SYNGR1: variants seen among roughly 807,000 people sequenced by gnomAD.
SYNGR1 encodes synaptogyrin-1.
Under a neutral mutation model 26.1 loss-of-function variants are expected in SYNGR1, and 14 were observed. That is an observed-to-expected ratio of 0.54 (90% CI 0.35 to 0.84). SYNGR1 has a LOEUF of 0.84. SYNGR1 is among the 40% of genes least tolerant of loss of function. The pLI, the probability that SYNGR1 is intolerant of heterozygous loss-of-function variation, is 0.01. For synonymous variants in SYNGR1, 141 were observed against 150.1 expected, an observed-to-expected ratio of 0.94 and a Z score of 0.44; for missense variants, 319 against 332.9, an observed-to-expected ratio of 0.96 and a Z score of 0.33.
Position 39,356,919 on chromosome 22 carries a change from T to C in SYNGR1, c.99+6810T>C, listed in dbSNP as rs920536916. The stretch of plus-strand genomic sequence containing the variant: ...CCTTGAAGAACCCCACTCTTGCTCC[T>C]AGTGGACTCCAGGTTGGGAACTTTG... On this transcript the variant is annotated intron_variant, in intron 1 of 3. Transcript: ENST00000328933. Among the ~76,000 whole-genome samples the C allele has an allele frequency of 2.0e-5, 3 of 152,162 alleles. No individual in the cohort carries two copies. The East Asian group carries it at 5.8e-4, about 29-fold the overall frequency.
intron 1 of SYNGR1, among the ~76,000 whole-genome samples, chr22:39,370,406 A>G (rs945766998): frequency 6.6e-6 from 1 of 152,106 alleles, no homozygotes; most frequent in Non-Finnish European, 1.5e-5. Context: ...CTGGGATTAC[A>G]GGTGTGAGCC....
intron 1 of SYNGR1, among the ~76,000 whole-genome samples, chr22:39,354,085 A>C: frequency 6.6e-6 from 1 of 152,036 alleles, no homozygotes; most frequent in East Asian, 1.9e-4. Flanking sequence ...GCTGGTCTCA[A>C]ACTCCTGACC....
chr22:39,382,002 G>A lies in SYNGR1; in HGVS notation c.*88G>A. On this transcript the variant is annotated 3_prime_UTR_variant, in exon 4 of 4. Transcript: ENST00000328933. ...GCTCCTGCCCAGGCTGCCCTGCCCA[G>A]CGCCTCATCAGCCTCTGCCTTGTCC... is the stretch of plus-strand genomic sequence containing the variant. 4 of 1,425,776 alleles carry A rather than the reference G, an allele frequency of 2.8e-6. No homozygotes were observed. The highest frequency in any genetic ancestry group is 3.8e-6 in the Non-Finnish European group (4 of 1,045,690). The allele number at this position is 1,425,776 out of a possible 1,614,324, so 88.3% of individuals were successfully genotyped here.
intron 1 of SYNGR1, among the ~76,000 whole-genome samples, chr22:39,358,894 C>G (rs1924318654): frequency 6.6e-6 from 1 of 152,254 alleles, no homozygotes; most frequent in Non-Finnish European, 1.5e-5. Flanking sequence ...CATCTCCCCG[C>G]TGCTGGTGGA....
intron 3 of SYNGR1, among the ~76,000 whole-genome samples, 183 bp from the exon 4 acceptor site, chr22:39,381,513 G>A (rs1925496829): frequency 6.6e-6 from 1 of 152,134 alleles, no homozygotes; most frequent in Non-Finnish European, 1.5e-5. Flanking sequence ...TCCGGGGGTG[G>A]CTGCGAGAAC....
At chr22:39,363,182 T>G in intron 1 of SYNGR1, among the ~76,000 whole-genome samples, 1 of 146,718 alleles carries the variant, frequency 6.8e-6, no homozygotes, top group Non-Finnish European at 1.5e-5. Context: ...GGGAGGAGAG[T>G]GTTGGGGAGC....
At chr22:39,375,500 T>G (rs1925238107) in intron 2 of SYNGR1, 1 of 208,810 alleles carries the variant, frequency 4.8e-6, no homozygotes, top group African/African-American at 2.3e-5. Flanking sequence ...TCGCTAAACC[T>G]GGGGCTCTGT....
intron 1 of SYNGR1, among the ~76,000 whole-genome samples, chr22:39,353,546 G>C (rs1030950135): frequency 1.1e-4 from 17 of 152,224 alleles, no homozygotes; most frequent in African/African-American, 2.7e-4. Flanking sequence ...TGGCAGATCA[G>C]CTGCCACTCC....
In SYNGR1 at chr22:39,384,615, C is replaced by T. The variant is rs1925600193; in HGVS notation, c.*2701C>T. ...TCCTTCTGTTGGCAGAGGACAGCCCCTGGGGAACCCCAGGCCCAACTCTGT... is the reference window on the plus strand; with the variant it reads ...TCCTTCTGTTGGCAGAGGACAGCCCTTGGGGAACCCCAGGCCCAACTCTGT... On this transcript the variant is annotated 3_prime_UTR_variant, in exon 4 of 4. Coordinates refer to ENST00000328933, the MANE Select transcript of SYNGR1 (RefSeq NM_004711.5). The T allele has an allele frequency of 2.5e-6, 1 of 398,934 alleles. No individual in the cohort carries two copies. The allele number at this position is 398,934 out of a possible 1,614,324, so 24.7% of individuals were successfully genotyped here.
rs374601643 is a variant in SYNGR1 at position 39,353,270 on chromosome 22, C to T, written c.99+3161C>T. Among the ~76,000 whole-genome samples the T allele has an allele frequency of 3.9e-5, 6 of 152,308 alleles. No homozygotes were observed. The East Asian group carries it at 9.6e-4, about 24-fold the overall frequency. Reference sequence around the variant, plus strand: ...AGCTTCAGGGCCTCACCAACCTGGACCCACCCTGGAACCCAAGCCCTCTGA... The same window carrying T: ...AGCTTCAGGGCCTCACCAACCTGGATCCACCCTGGAACCCAAGCCCTCTGA... On this transcript the variant is annotated intron_variant, in intron 1 of 3. Transcript: ENST00000328933.
intron 1 of SYNGR1, among the ~76,000 whole-genome samples, chr22:39,353,298 C>T (rs1924000832): frequency 6.6e-6 from 1 of 152,186 alleles, no homozygotes; most frequent in African/African-American, 2.4e-5. Flanking sequence ...CCCTCTGAGC[C>T]CCTGGGTCAG....
chr22:39,358,419 C>T lies in SYNGR1; in HGVS notation c.99+8310C>T, dbSNP rs111915022. Among the ~76,000 whole-genome samples the T allele has an allele frequency of 2.2e-3, 336 of 152,306 alleles. 2 individuals are homozygous for T. The highest frequency in any genetic ancestry group is 7.8e-3 in the African/African-American group (323 of 41,570). On this transcript the variant is annotated intron_variant, in intron 1 of 3. Coordinates refer to ENST00000328933, the MANE Select transcript of SYNGR1 (RefSeq NM_004711.5). ...ACCTGCTCAGTTCCAAAGCTTTGTT[C>T]GTCTGCTCGTTGCGATAAATTTTGC...
chr22:39,356,219 T>C (rs1014550754), intron 1 of SYNGR1, among the ~76,000 whole-genome samples: 1 of 113,450 alleles, frequency 8.8e-6, no homozygotes, highest in Non-Finnish European at 1.8e-5. Flanking sequence ...CACACCCGGC[T>C]AATTTTTATA....
intron 2 of SYNGR1, 149 bp from the exon 3 acceptor site, chr22:39,375,903 C>T (rs1308033016): frequency 9.7e-7 from 1 of 1,034,380 alleles, no homozygotes; most frequent in Admixed American, 1.7e-5. Context: ...TCTTCCCCTA[C>T]CCCCTTTGCC....
chr22:39,364,058 C>G, intron 1 of SYNGR1: 1 of 1,456,502 alleles, frequency 6.9e-7, no homozygotes, highest in Non-Finnish European at 9.3e-7. Flanking sequence ...AGCCGACGCC[C>G]TGCAGTGGGT....
intron 1 of SYNGR1, 22 bp from the exon 2 acceptor site, chr22:39,374,294 G>C: frequency 1.2e-6 from 2 of 1,612,280 alleles, no homozygotes; most frequent in South Asian, 2.2e-5. Flanking sequence ...CCAGGTCTAA[G>C]GTGTGGCCCC....
intron 2 of SYNGR1, chr22:39,374,826 G>T: frequency 1.9e-6 from 1 of 528,278 alleles, no homozygotes; most frequent in Non-Finnish European, 3.4e-6. Flanking sequence ...GATGGCACTG[G>T]GCATGTGCCA....
intron 1 of SYNGR1, among the ~76,000 whole-genome samples, chr22:39,366,335 C>T (rs112202431): frequency 1.1e-4 from 17 of 151,494 alleles, no homozygotes; most frequent in African/African-American, 3.9e-4. Flanking sequence ...TCTGCAGATT[C>T]TGGTGGCTCT....
At chr22:39,377,874 T>C in intron 3 of SYNGR1, 1 of 1,475,052 alleles carries the variant, frequency 6.8e-7, no homozygotes, top group Non-Finnish European at 9.0e-7. Flanking sequence ...TCATTGATTC[T>C]TCATGCGTTC....
Sources: gnomAD v4.1 joint callset for allele counts (sites outside exome capture counted in the v4.1 genomes callset) on GRCh38, gnomAD v4.1.1 for gene constraint, MANE v1.5 for transcripts, NCBI Gene and HGNC (gene_info 2026-07-23, HGNC 2026-07-21) for gene names.